The following DCT variants were observed in gnomAD, a reference collection of about 807,000 sequenced individuals.
DCT encodes dopachrome tautomerase.
A neutral mutation model predicts 53.0 loss-of-function variants in DCT; 47 were observed. That is an observed-to-expected ratio of 0.89 (90% CI 0.70 to 1.13). The LOEUF is 1.13. Ranked by LOEUF, DCT falls within the 50% of genes most tolerant of loss-of-function variation. DCT has a pLI of 0.00. For missense variants in DCT, 669 were observed against 637.4 expected, an observed-to-expected ratio of 1.05 and a Z score of -0.53; for synonymous variants, 244 against 237.0, an observed-to-expected ratio of 1.03 and a Z score of -0.27.
At chr13:94,474,762 A>G (rs1884968374) in intron 1 of DCT, among the ~76,000 whole-genome samples, 1 of 152,342 alleles carries the variant, frequency 6.6e-6, no homozygotes, top group Non-Finnish European at 1.5e-5. Context: ...CAGAGACTAT[A>G]GAGAAGCTCT....
the DCT span, among the ~76,000 whole-genome samples, chr13:94,544,694 G>A: frequency 5.4e-3 from 819 of 152,332 alleles, 13 homozygotes; most frequent in African/African-American, 0.018. Flanking sequence ...CCTGGAATCT[G>A]TAGTAAATCC....
chr13:94,492,874 T>C, the DCT span, among the ~76,000 whole-genome samples: 1 of 152,208 alleles, frequency 6.6e-6, no homozygotes, highest in Non-Finnish European at 1.5e-5. Context: ...ATAGTATATA[T>C]ATTTTCATAG....
the DCT span, among the ~76,000 whole-genome samples, chr13:94,511,775 C>T: frequency 6.6e-6 from 1 of 151,956 alleles, no homozygotes; most frequent in South Asian, 2.1e-4. Context: ...GTTCTCATAC[C>T]ATAGGTGTGT....
rs1266129896 is a variant in DCT at position 94,468,940 on chromosome 13, C to T, written c.401G>A (p.Ser134Asn). Residue 134 changes from serine to asparagine, a missense_variant, in exon 2 of 8, where the codon AGT (serine) becomes AAT (asparagine). Coordinates refer to ENST00000377028, the MANE Select transcript of DCT (RefSeq NM_001922.5). The part of the protein sequence containing the change: ...PVIRQNIHSL[S>N]PQEREQFLGA... ...CAAGAACTGCTCTCTTTCCTGAGGA[C>T]TCAAGGAATGGATGTTCTGCCGAAT... The T allele has an allele frequency of 3.7e-6, 6 of 1,614,040 alleles. No individual in the cohort carries two copies. Among genetic ancestry groups the T allele is most frequent in the Non-Finnish European group, 5.1e-6 (6 of 1,180,046 alleles).
intron 3 of DCT, among the ~76,000 whole-genome samples, 174 bp from the exon 4 acceptor site, chr13:94,465,973 T>TATAC (rs1352187493): frequency 2.3e-4 from 1 of 4,422 alleles, no homozygotes; most frequent in Non-Finnish European, 5.2e-4. Flanking sequence ...ATATTTTATA[T>TATAC]ATATATATAT....
At chr13:94,522,738 A>G in the DCT span, among the ~76,000 whole-genome samples, 1 of 152,212 alleles carries the variant, frequency 6.6e-6, no homozygotes, top group Non-Finnish European at 1.5e-5. Context: ...GCAGCTCACC[A>G]TGATCCTGGG....
chr13:94,474,085 T>C (rs963746934), intron 1 of DCT, among the ~76,000 whole-genome samples: 7 of 152,200 alleles, frequency 4.6e-5, no homozygotes, highest in Middle Eastern at 3.4e-3. Context: ...ATGCAAAAAA[T>C]ATAAGAAGAG....
the DCT span, among the ~76,000 whole-genome samples, chr13:94,495,760 G>A: frequency 6.6e-6 from 1 of 152,198 alleles, no homozygotes; most frequent in South Asian, 2.1e-4. Context: ...AAGGGAGAGA[G>A]AGACATGGTT....
chr13:94,526,040 G>C, the DCT span, among the ~76,000 whole-genome samples: 1 of 152,266 alleles, frequency 6.6e-6, no homozygotes, highest in Non-Finnish European at 1.5e-5. Flanking sequence ...TGAGCACACT[G>C]AATTCTGGCC....
At chr13:94,443,756 C>G (rs1390367998) in intron 6 of DCT, 119 bp from the exon 7 acceptor site, 1 of 785,234 alleles carries the variant, frequency 1.3e-6, no homozygotes, top group Admixed American at 2.2e-5. Flanking sequence ...TTCTGTATAC[C>G]CATGTGTGGA....
At chr13:94,455,363 CAGAG>C (rs1257371083) in intron 6 of DCT, among the ~76,000 whole-genome samples, 1 of 140,376 alleles carries the variant, frequency 7.1e-6, no homozygotes, top group African/African-American at 2.7e-5. Flanking sequence ...GCCTGGGCAA[CAGAG>C]AGAGACTGTC....
the DCT span, among the ~76,000 whole-genome samples, chr13:94,489,777 C>T: frequency 2.6e-5 from 4 of 152,168 alleles, no homozygotes; most frequent in Middle Eastern, 0.01. Flanking sequence ...CACACACACA[C>T]ACACACATAT....
the DCT span, among the ~76,000 whole-genome samples, chr13:94,489,722 C>A: frequency 6.6e-6 from 1 of 151,582 alleles, no homozygotes; most frequent in Non-Finnish European, 1.5e-5. Flanking sequence ...ACTGAAAAAT[C>A]CTCTCCACTG....
chr13:94,523,688 A>C, the DCT span, among the ~76,000 whole-genome samples: 39,925 of 151,974 alleles, frequency 0.26, 6,500 homozygotes, highest in East Asian at 0.61. Context: ...CGCCATTCCT[A>C]AGCAGCACCA....
chr13:94,507,797 G>A, the DCT span, among the ~76,000 whole-genome samples: 4 of 152,108 alleles, frequency 2.6e-5, no homozygotes, highest in African/African-American at 7.2e-5. Context: ...ACCGCGCCCC[G>A]CCGTATATTG....
chr13:94,514,821 A>T, the DCT span, among the ~76,000 whole-genome samples: 1 of 152,296 alleles, frequency 6.6e-6, no homozygotes, highest in African/African-American at 2.4e-5. Context: ...GATGTAGCAT[A>T]ATTACAGCTG....
intron 1 of DCT, among the ~76,000 whole-genome samples, chr13:94,474,683 A>C (rs1488096594): frequency 6.6e-6 from 1 of 152,238 alleles, no homozygotes; most frequent in Non-Finnish European, 1.5e-5. Context: ...TAGCAAATTC[A>C]AAGTCTCCTG....
the DCT span, among the ~76,000 whole-genome samples, chr13:94,492,915 T>C: frequency 6.6e-6 from 1 of 152,204 alleles, no homozygotes; most frequent in African/African-American, 2.4e-5. Flanking sequence ...ACGTACATAT[T>C]GAAAATGCTT....
At chr13:94,451,934 T>C (rs981108282) in intron 6 of DCT, among the ~76,000 whole-genome samples, 3 of 152,200 alleles carry the variant, frequency 2.0e-5, no homozygotes, top group African/African-American at 7.2e-5. Flanking sequence ...TTTTTTCTTT[T>C]TCCAGAAGTC....
Sources: allele counts gnomAD v4.1 joint callset (sites outside exome capture counted in the v4.1 genomes callset), GRCh38; gene constraint gnomAD v4.1.1; transcripts MANE v1.5; gene names NCBI Gene and HGNC (gene_info 2026-07-23, HGNC 2026-07-21).